The following SEPHS2 variants were observed in gnomAD, a reference collection of about 807,000 sequenced individuals.
SEPHS2 encodes the protein selenide, water dikinase 2.
A neutral mutation model predicts 23.9 loss-of-function variants in SEPHS2; 11 were observed. The ratio of observed to expected loss-of-function variants is 0.46; its 90% confidence interval spans 0.29 to 0.76. The LOEUF (loss-of-function observed/expected upper bound fraction) is 0.76, where lower values mean the gene tolerates loss of function less well. Ranked by LOEUF, SEPHS2 falls within the 30% of genes least tolerant of loss-of-function variation. The pLI, the probability that SEPHS2 is intolerant of heterozygous loss-of-function variation, is 0.10. For missense variants in SEPHS2, 541 were observed against 592.5 expected (o/e 0.91, Z 0.90); for synonymous variants, 239 against 247.5 (o/e 0.97, Z 0.32).
At position 30,444,652 on chromosome 16, in the gene SEPHS2, C is replaced by A; in HGVS notation, c.1076G>T (p.Arg359Leu). Residue 359 changes from arginine to leucine, a missense_variant, in exon 1 of 1, where the codon CGG becomes CTG. By Grantham distance (102) the Arg-to-Leu change is moderately radical (BLOSUM62 -2). Transcript: ENST00000478753. The surrounding 1 kb of genome is among the most constrained non-coding windows in gnomAD (Gnocchi z 4.0). Reference protein sequence around the residue: ...KMAAVSKASGRFGLLQGTSAE... With the variant: ...KMAAVSKASGLFGLLQGTSAE... The stretch of plus-strand genomic sequence containing the variant: ...TGAGGTTCCTTGAAGAAGCCCAAAC[C>A]GTCCACTGGCCTTGCTGACGGCAGC... The A allele has an allele frequency of 1.2e-6, 2 of 1,612,582 alleles. No homozygotes were observed. The highest frequency in any genetic ancestry group is 1.7e-4 in the Middle Eastern group (1 of 6,056).
chr16:30,444,135 G>T lies in SEPHS2; in HGVS notation c.*246C>A, dbSNP rs553938802. ...CATCTTACTTTGGCAAGAGAAAACA[G>T]AGGTATTTTTGCTCCTCTTCTACCC... On this transcript the variant is annotated 3_prime_UTR_variant, in exon 1 of 1. Coordinates refer to ENST00000478753, the MANE Select transcript of SEPHS2 (RefSeq NM_012248.4). This position sits in a 1 kb window ranked among gnomAD's most constrained non-coding sequence, Gnocchi z 4.0. The T allele has an allele frequency of 1.9e-5, 7 of 366,230 alleles. No homozygotes were observed. In the South Asian group the frequency reaches 6.9e-4, roughly 36 times the overall value. 22.7% of individuals were successfully genotyped at this position (366,230 alleles called of 1,614,324 possible).
rs1248028534 is a variant in SEPHS2 at position 30,444,446 on chromosome 16, G to A, written c.1282C>T (p.Arg428Cys). Residue 428 changes from arginine (R) to cysteine (C), a missense_variant, in exon 1 of 1, where the codon CGT (arginine) becomes TGT (cysteine). Physicochemically the swap from Arg to Cys is radical, Grantham distance 180. Around this residue, in one of 3 missense-constraint regions of SEPHS2, gnomAD observed 224 missense variants for 237.4 expected, o/e 0.94. Coordinates refer to ENST00000478753, the MANE Select transcript of SEPHS2 (RefSeq NM_012248.4). The surrounding 1 kb of genome is among the most constrained non-coding windows in gnomAD (Gnocchi z 4.0). ...GCAAGAACAGCAGCTGTGGCCCCAC[G>A]AGGCAGGACTTCAATAACTCGCGGC... ...DKPRVIEVLP[R>C]GATAAVLAPD... The A allele has an allele frequency of 9.3e-6, 15 of 1,605,196 alleles. No homozygotes were observed. Among genetic ancestry groups the A allele is most frequent in the East Asian group, 2.2e-5 (1 of 44,664 alleles).
chr16:30,444,652 C>T lies in SEPHS2; in HGVS notation c.1076G>A (p.Arg359Gln). 6.2e-7 allele frequency: 1 copy of T among 1,612,582 alleles called. No homozygotes were observed. Among genetic ancestry groups the T allele is most frequent in the East Asian group, 2.2e-5 (1 of 44,828 alleles). ...KMAAVSKASG[R>Q]FGLLQGTSAE... Reference sequence around the variant, plus strand: ...TGAGGTTCCTTGAAGAAGCCCAAACCGTCCACTGGCCTTGCTGACGGCAGC... The same window carrying T: ...TGAGGTTCCTTGAAGAAGCCCAAACTGTCCACTGGCCTTGCTGACGGCAGC... The change falls in exon 1 of 1, where the codon CGG (arginine) becomes CAG (glutamine). Residue 359 changes from arginine (R) to glutamine (Q), a missense_variant. Arg to Gln is a conservative substitution (Grantham distance 43). This residue lies in a region of SEPHS2 where 224 missense variants were observed against 237.4 expected (regional missense o/e 0.94). Coordinates refer to ENST00000478753, the MANE Select transcript of SEPHS2 (RefSeq NM_012248.4). The surrounding 1 kb of genome is among the most constrained non-coding windows in gnomAD (Gnocchi z 4.0).
rs762843947 is a variant in SEPHS2, at chr16:30,443,690, A to G, written c.*691T>C. ...CAAGAAATTACTCTTTATTGATCAA[A>G]TCACCAGGAATCTGCCGCAAAAGAC... On this transcript the variant is annotated 3_prime_UTR_variant, in exon 1 of 1. Transcript: ENST00000478753. The G allele has an allele frequency of 1.8e-4, 27 of 152,750 alleles. No homozygotes were observed. The highest frequency in any genetic ancestry group is 3.2e-4 in the Non-Finnish European group (22 of 68,026). The allele number at this position is 152,750 out of a possible 1,614,324, so 9.5% of individuals were successfully genotyped here.
rs1157678162 is a variant in SEPHS2, at chr16:30,445,004, C to T, written c.724G>A (p.Ala242Thr). The change falls in exon 1 of 1, where the codon GCC becomes ACC. Residue 242 changes from alanine (A) to threonine (T), a missense_variant. By Grantham distance (58) the Ala-to-Thr change is moderately conservative (BLOSUM62 0). This residue lies in a region of SEPHS2 where 110 missense variants were observed against 173.0 expected (regional missense o/e 0.64). Transcript: ENST00000478753. ...QPNEFIMPDS[A>T]VVGDVLVLTK... ...AACACCAGCACGTCCCCAACGACGGCGCTGTCCGGCATTATGAACTCATTT... is the reference window on the plus strand; with the variant it reads ...AACACCAGCACGTCCCCAACGACGGTGCTGTCCGGCATTATGAACTCATTT... 3 of 1,610,722 alleles carry T rather than the reference C, an allele frequency of 1.9e-6. No homozygotes were observed. The highest frequency in any genetic ancestry group is 2.5e-6 in the Non-Finnish European group (3 of 1,178,000).
rs1000619174 is a variant in SEPHS2, at chr16:30,443,678, T to C, written c.*703A>G. ...TTATTTATTTAGCAAGAAATTACTC[T>C]TTATTGATCAAATCACCAGGAATCT... On this transcript the variant is annotated 3_prime_UTR_variant, in exon 1 of 1. Transcript: ENST00000478753. The C allele has an allele frequency of 6.6e-6, 1 of 152,660 alleles. No homozygotes were observed. Among genetic ancestry groups the C allele is most frequent in the African/African-American group, 2.4e-5 (1 of 41,466 alleles). The allele number at this position is 152,660 out of a possible 1,614,324, so 9.5% of individuals were successfully genotyped here.
chr16:30,445,288 G>A lies in SEPHS2; in HGVS notation c.440C>T (p.Pro147Leu). 1 of 1,614,200 alleles carries A rather than the reference G, an allele frequency of 6.2e-7. No individual in the cohort carries two copies. The highest frequency in any genetic ancestry group is 8.5e-7 in the Non-Finnish European group (1 of 1,180,036). Reference sequence around the variant, plus strand: ...ACAAGCTATGCGCCCCATCATGTAGGGATCTTCTACCAAGGGGTAAAAGAA... The same window carrying A: ...ACAAGCTATGCGCCCCATCATGTAGAGATCTTCTACCAAGGGGTAAAAGAA... The part of the protein sequence containing the change: ...TDFFYPLVED[P>L]YMMGRIACAN... The change falls in exon 1 of 1, where the codon CCC becomes CTC. Residue 147 changes from proline (P) to leucine (L), a missense_variant. Around this residue, in one of 3 missense-constraint regions of SEPHS2, gnomAD observed 110 missense variants for 173.0 expected, o/e 0.64. Coordinates refer to ENST00000478753, the MANE Select transcript of SEPHS2 (RefSeq NM_012248.4).
Position 30,444,583 on chromosome 16 carries a change from T to C in SEPHS2, c.1145A>G (p.Gln382Arg). 1 of 1,614,218 alleles carries C rather than the reference T, an allele frequency of 6.2e-7. No individual in the cohort carries two copies. The highest frequency in any genetic ancestry group is 1.1e-5 in the South Asian group (1 of 91,090). The change falls in exon 1 of 1, where the codon CAG becomes CGG. Residue 382 changes from glutamine (Q) to arginine (R), a missense_variant. Coordinates refer to ENST00000478753, the MANE Select transcript of SEPHS2 (RefSeq NM_012248.4). This position sits in a 1 kb window ranked among gnomAD's most constrained non-coding sequence, Gnocchi z 4.0. ...GGLLICLPRE[Q>R]AARFCSEIKS... is the part of the protein sequence containing the mutation. ...GATTTCAGAACAAAAGCGAGCCGCCTGTTCTCTTGGCAGACAAATCAGTAA... is the reference window on the plus strand; with the variant it reads ...GATTTCAGAACAAAAGCGAGCCGCCCGTTCTCTTGGCAGACAAATCAGTAA...
Position 30,445,411 on chromosome 16 carries a change from G to T in SEPHS2, c.317C>A (p.Ala106Glu). The T allele has an allele frequency of 6.3e-7, 1 of 1,590,000 alleles. No homozygotes were observed. The change falls in exon 1 of 1, where the codon GCG (alanine) becomes GAG (glutamate). Residue 106 changes from alanine to glutamate, a missense_variant. By Grantham distance (107) the Ala-to-Glu change is moderately radical. Transcript: ENST00000478753. ...ASQEAGLPAG[A>E]GPSPTFPALG... ...GGCTGGAAAGGTGGGGCTGGGGCCC[G>T]CTCCTGCCGGCAGGCCGGCTTCCTG... is the stretch of plus-strand genomic sequence containing the variant.
chr16:30,444,521 T>C lies in SEPHS2; in HGVS notation c.1207A>G (p.Ile403Val). 1 of 1,613,836 alleles carries C rather than the reference T, an allele frequency of 6.2e-7. No individual in the cohort carries two copies. The highest frequency in any genetic ancestry group is 8.5e-7 in the Non-Finnish European group (1 of 1,179,770). Residue 403 changes from isoleucine to valine, a missense_variant, in exon 1 of 1, where the codon ATC becomes GTC. Physicochemically the swap from Ile to Val is conservative, Grantham distance 29 (BLOSUM62 3). This residue lies in a region of SEPHS2 where 224 missense variants were observed against 237.4 expected (regional missense o/e 0.94). Coordinates refer to ENST00000478753, the MANE Select transcript of SEPHS2 (RefSeq NM_012248.4). This position sits in a 1 kb window ranked among gnomAD's most constrained non-coding sequence, Gnocchi z 4.0. Reference sequence around the variant, plus strand: ...TTTCCCTTTTCCACAATGCCAACGATCCACGCTTGGTGACCCTCTCCGTAC... The same window carrying C: ...TTTCCCTTTTCCACAATGCCAACGACCCACGCTTGGTGACCCTCTCCGTAC... ...SKYGEGHQAWIVGIVEKGNRT... is the reference protein window; with the variant it reads ...SKYGEGHQAWVVGIVEKGNRT...
In SEPHS2 at chr16:30,445,224, A is replaced by T; in HGVS notation, c.504T>A (p.Thr168=). The change falls in exon 1 of 1, where the codon ACT becomes ACA. Residue 168 remains threonine (T), a synonymous_variant. Transcript: ENST00000478753. ...VLSDLYAMGI[T]ECDNMLMLLS... is the part of the protein sequence containing the mutation. The stretch of plus-strand genomic sequence containing the variant: ...GTAACATCAACATGTTGTCACACTC[A>T]GTAATCCCCATGGCGTAGAGGTCAC... 6.2e-7 allele frequency: 1 copy of T among 1,614,254 alleles called. No individual in the cohort carries two copies. Among genetic ancestry groups the T allele is most frequent in the Non-Finnish European group, 8.5e-7 (1 of 1,180,046 alleles).
Position 30,445,867 on chromosome 16 carries a change from A to C in SEPHS2, c.-140T>G. ...AGCCGTCAGACCCACGGCATGCACA[A>C]TCTTCCTGATAGAGGAGCCGCCGGA... On this transcript the variant is annotated 5_prime_UTR_variant, in exon 1 of 1. Coordinates refer to ENST00000478753, the MANE Select transcript of SEPHS2 (RefSeq NM_012248.4). The C allele has an allele frequency of 1.7e-6, 2 of 1,143,870 alleles. No homozygotes were observed. Among genetic ancestry groups the C allele is most frequent in the Non-Finnish European group, 2.4e-6 (2 of 844,814 alleles). The allele number at this position is 1,143,870 out of a possible 1,614,324, so 70.9% of individuals were successfully genotyped here.
chr16:30,444,987 C>T lies in SEPHS2; in HGVS notation c.741G>A (p.Val247=). Residue 247 remains valine (V), a synonymous_variant, in exon 1 of 1, where the codon GTG becomes GTA. Transcript: ENST00000478753. The surrounding 1 kb of genome is among the most constrained non-coding windows in gnomAD (Gnocchi z 4.0). ...TTCCTAACGGTTTGGTTAACACCAG[C>T]ACGTCCCCAACGACGGCGCTGTCCG... ...IMPDSAVVGD[V]LVLTKPLGTQ... is the part of the protein sequence containing the mutation. 1 of 1,613,528 alleles carries T rather than the reference C, an allele frequency of 6.2e-7. No individual in the cohort carries two copies. The highest frequency in any genetic ancestry group is 8.5e-7 in the Non-Finnish European group (1 of 1,179,602).
In SEPHS2 at chr16:30,445,793, G is replaced by C. The variant is rs1367901915; in HGVS notation, c.-66C>G. ...TTTTATTTTCCACTCAGATTAATAT[G>C]AAGCAAAAGTCAAATATTACCTGCA... On this transcript the variant is annotated 5_prime_UTR_variant, in exon 1 of 1. Transcript: ENST00000478753. 1.4e-6 allele frequency: 2 copies of C among 1,474,142 alleles called. No individual in the cohort carries two copies. The highest frequency in any genetic ancestry group is 9.0e-7 in the Non-Finnish European group (1 of 1,110,362). The allele number at this position is 1,474,142 out of a possible 1,614,324, so 91.3% of individuals were successfully genotyped here.
Position 30,445,292 on chromosome 16 carries a change from C to T in SEPHS2, c.436G>A (p.Asp146Asn). The change falls in exon 1 of 1, where the codon GAT (aspartate) becomes AAT (asparagine). Residue 146 changes from aspartate to asparagine, a missense_variant. Asp to Asn is a conservative substitution (Grantham distance 23). Around this residue, in one of 3 missense-constraint regions of SEPHS2, gnomAD observed 110 missense variants for 173.0 expected, o/e 0.64. Transcript: ENST00000478753. Reference protein sequence around the residue: ...TTDFFYPLVEDPYMMGRIACA... With the variant: ...TTDFFYPLVENPYMMGRIACA... ...GCTATGCGCCCCATCATGTAGGGAT[C>T]TTCTACCAAGGGGTAAAAGAAGTCC... 1 of 1,614,220 alleles carries T rather than the reference C, an allele frequency of 6.2e-7. No individual in the cohort carries two copies. Among genetic ancestry groups the T allele is most frequent in the Admixed American group, 1.7e-5 (1 of 60,020 alleles).
In SEPHS2 at chr16:30,445,712, C is replaced by T. The variant is rs911164818; in HGVS notation, c.16G>A (p.Ala6Thr). The T allele has an allele frequency of 1.0e-5, 16 of 1,541,100 alleles. No homozygotes were observed. The African/African-American group carries it at 1.4e-4, about 13-fold the overall frequency. ...ATCGCCTCTCCGCAGGCGCCCGTCG[C>T]CGAGGCTTCCGCCATGGCGCCTGCC... MAEAS[A>T]TGACGEAMAA... is the part of the protein sequence containing the mutation. The change falls in exon 1 of 1, where the codon GCG becomes ACG. Residue 6 changes from alanine to threonine, a missense_variant. By Grantham distance (58) the Ala-to-Thr change is moderately conservative (BLOSUM62 0). Coordinates refer to ENST00000478753, the MANE Select transcript of SEPHS2 (RefSeq NM_012248.4).
Position 30,443,948 on chromosome 16 carries a change from A to C in SEPHS2, c.*433T>G, listed in dbSNP as rs188745384. 3 of 155,290 alleles carry C rather than the reference A, an allele frequency of 1.9e-5. No homozygotes were observed. The East Asian group carries it at 5.7e-4, about 30-fold the overall frequency. The allele number at this position is 155,290 out of a possible 1,614,324, so 9.6% of individuals were successfully genotyped here. The stretch of plus-strand genomic sequence containing the variant: ...GATGTTGCATTATAAGATCTCTCTT[A>C]ACAATTTAGATTTATCAACAATATT... On this transcript the variant is annotated 3_prime_UTR_variant, in exon 1 of 1. Transcript: ENST00000478753.
In SEPHS2 at chr16:30,445,108, C is replaced by T; in HGVS notation, c.620G>A (p.Gly207Glu). ...CGTTTGCCCACCGGTCACTGCCGTC[C>T]CTCCTTCCTCAGCCGCATCCCGAAA... ...KGFRDAAEEG[G>E]TAVTGGQTVV... Residue 207 changes from glycine (G) to glutamate (E), a missense_variant, in exon 1 of 1, where the codon GGG becomes GAG. Gly to Glu is a moderately conservative substitution (Grantham distance 98). Around this residue, in one of 3 missense-constraint regions of SEPHS2, gnomAD observed 110 missense variants for 173.0 expected, o/e 0.64. Transcript: ENST00000478753. The T allele has an allele frequency of 6.2e-7, 1 of 1,602,106 alleles. No homozygotes were observed. Among genetic ancestry groups the T allele is most frequent in the Non-Finnish European group, 8.5e-7 (1 of 1,172,406 alleles).
chr16:30,444,285 C>CA lies in SEPHS2; in HGVS notation c.*95dup. The CA allele has an allele frequency of 7.6e-7, 1 of 1,314,572 alleles. No individual in the cohort carries two copies. Among genetic ancestry groups the CA allele is most frequent in the Non-Finnish European group, 1.0e-6 (1 of 955,788 alleles). 81.4% of individuals were successfully genotyped at this position (1,314,572 alleles called of 1,614,324 possible). A position where few individuals can be genotyped will look rare whatever the true frequency, so the allele number is the denominator to read the frequency against. On this transcript the variant is annotated 3_prime_UTR_variant, in exon 1 of 1. Transcript: ENST00000478753. This position sits in a 1 kb window ranked among gnomAD's most constrained non-coding sequence, Gnocchi z 4.0. ...AGGGCAGCCGGAACCACTATGCAGG[C>CA]AGCCTTCTTTGGAAATTTCTTACAA...
Sources: gnomAD v4.1 joint callset for allele counts on GRCh38, gnomAD v4.1.1 for gene constraint, gnomAD v4.1.1 regional missense constraint, Gnocchi (gnomAD v3.1) non-coding constraint, MANE v1.5 for transcripts, NCBI Gene and HGNC (gene_info 2026-07-23, HGNC 2026-07-21) for gene names.